UNC13C: variants seen among roughly 807,000 people sequenced by gnomAD.
UNC13C encodes the protein protein unc-13 homolog C.
A neutral mutation model predicts 245.4 loss-of-function variants in UNC13C; 174 were observed. That is an observed-to-expected ratio of 0.71 (90% confidence interval 0.63 to 0.80). The LOEUF (loss-of-function observed/expected upper bound fraction) is 0.80, where lower values mean the gene tolerates loss of function less well. Among genes scored for constraint, UNC13C ranks in the 30% least tolerant of loss-of-function variants. UNC13C has a pLI of 0.00. For missense variants in UNC13C, 2,829 were observed against 2,602.9 expected (o/e 1.09, Z -1.89); for synonymous variants, 992 against 895.1 (o/e 1.11, Z -1.93).
At chr15:54,373,094 C>T (rs758092033) in intron 17 of UNC13C, among the ~76,000 whole-genome samples, 1 of 152,090 alleles carries the variant, frequency 6.6e-6, no homozygotes, top group Non-Finnish European at 1.5e-5. Flanking sequence ...AGCAACTGAA[C>T]TTTAGTATGA....
At chr15:54,555,564 C>A (rs991591300) in intron 29 of UNC13C, 52 bp downstream of exon 29, 1 of 1,410,110 alleles carries the variant, frequency 7.1e-7, no homozygotes, top group Admixed American at 1.9e-5. Flanking sequence ...CCATTTACCT[C>A]CAGAGATAGG....
intron 30 of UNC13C, among the ~76,000 whole-genome samples, chr15:54,594,254 G>A (rs1898948485): frequency 6.6e-6 from 1 of 152,124 alleles, no homozygotes; most frequent in Non-Finnish European, 1.5e-5. Context: ...GACTCCATGG[G>A]GGCTCTTAGC....
intron 2 of UNC13C, among the ~76,000 whole-genome samples, chr15:54,100,947 T>C (rs1900131001): frequency 6.6e-6 from 1 of 152,046 alleles, no homozygotes; most frequent in Non-Finnish European, 1.5e-5. Context: ...ATAATACACA[T>C]ATAGTAAAGT....
In UNC13C at chr15:54,622,383, AC is replaced by A; in HGVS notation, c.6167del (p.Pro2056GlnfsTer10). On this transcript the variant is annotated frameshift_variant, in exon 31 of 33. Transcript: ENST00000260323. LOFTEE classifies it high-confidence loss of function. Reference protein sequence around the residue: ...QISVHVDITATPGTGDHKVTV... With the variant: ...QISVHVDITAXPGTGDHKVTV... ...ATCTGTTCATGTGGACATCACTGCCACCCCAGGAACGGGAGATCATAAAGTC... is the reference window on the plus strand; with the variant it reads ...ATCTGTTCATGTGGACATCACTGCCACCCAGGAACGGGAGATCATAAAGTC... The A allele has an allele frequency of 1.2e-6, 2 of 1,613,280 alleles. No homozygotes were observed. The highest frequency in any genetic ancestry group is 8.5e-7 in the Non-Finnish European group (1 of 1,179,440).
chr15:54,304,806 A>T (rs1050863511), intron 13 of UNC13C, among the ~76,000 whole-genome samples: 2 of 152,056 alleles, frequency 1.3e-5, no homozygotes, highest in African/African-American at 2.4e-5. Flanking sequence ...TCTGTTGACA[A>T]TCTGATCAAT....
intron 17 of UNC13C, among the ~76,000 whole-genome samples, chr15:54,351,912 C>A (rs940526871): frequency 6.6e-6 from 1 of 151,992 alleles, no homozygotes; most frequent in African/African-American, 2.4e-5. Context: ...TCTTTTGTCT[C>A]TACTTCAGAG....
chr15:54,316,918 G>C (rs977824139), intron 13 of UNC13C, among the ~76,000 whole-genome samples: 2 of 151,908 alleles, frequency 1.3e-5, no homozygotes, highest in African/African-American at 4.8e-5. Flanking sequence ...TTCGAGGTAT[G>C]TGCTTCTCTT....
chr15:54,596,895 T>C (rs1899113831), intron 30 of UNC13C, among the ~76,000 whole-genome samples: 1 of 152,192 alleles, frequency 6.6e-6, no homozygotes, highest in Non-Finnish European at 1.5e-5. Context: ...GGTGCCATGC[T>C]TGTATAGCCT....
intron 29 of UNC13C, among the ~76,000 whole-genome samples, chr15:54,561,176 G>A (rs1182490630): frequency 1.3e-5 from 2 of 151,914 alleles, no homozygotes; most frequent in Non-Finnish European, 2.9e-5. Flanking sequence ...GCACAGCCCT[G>A]GTTAGATTCT....
At chr15:53,980,140 T>G (rs1282648767) in intron 1 of UNC13C, among the ~76,000 whole-genome samples, 1 of 152,172 alleles carries the variant, frequency 6.6e-6, no homozygotes, top group Non-Finnish European at 1.5e-5. Flanking sequence ...AATTGTCATT[T>G]ATGCATACTG....
the UNC13C span, among the ~76,000 whole-genome samples, chr15:53,850,067 G>A: frequency 2.0e-5 from 3 of 151,976 alleles, no homozygotes; most frequent in Non-Finnish European, 2.9e-5. Context: ...TGTGCTGCAG[G>A]TTTGCCTTAG....
At chr15:54,283,250 C>T (rs1476672456) in intron 10 of UNC13C, among the ~76,000 whole-genome samples, 1 of 152,120 alleles carries the variant, frequency 6.6e-6, no homozygotes, top group Non-Finnish European at 1.5e-5. Flanking sequence ...CAATTATATA[C>T]ATACCTTCAA....
Position 54,185,096 on chromosome 15 carries a change from C to T in UNC13C, c.3071+41412C>T, listed in dbSNP as rs564289052. ...GAGAAGTGTCCATTCATATCCTTCG[C>T]TCACTTTTTGACGGGGTTGTTTGTT... On this transcript the variant is annotated intron_variant, in intron 4 of 32. Transcript: ENST00000260323. 2.0e-5 allele frequency among the ~76,000 whole-genome samples: 3 copies of T among 152,234 alleles called. No individual in the cohort carries two copies. In the South Asian group the frequency reaches 6.2e-4, roughly 32 times the overall value.
At chr15:54,594,721 T>C (rs1181209633) in intron 30 of UNC13C, among the ~76,000 whole-genome samples, 2 of 152,184 alleles carry the variant, frequency 1.3e-5, no homozygotes, top group Non-Finnish European at 2.9e-5. Context: ...AGAGGGCAAG[T>C]TGGGCTTGAA....
chr15:53,968,252 C>T, the UNC13C span: 1 of 152,232 alleles, frequency 6.6e-6, no homozygotes, highest in Non-Finnish European at 1.5e-5. Context: ...AAGCTCATTT[C>T]CCTAGGCAAC....
At chr15:53,885,914 G>T in the UNC13C span, among the ~76,000 whole-genome samples, 1 of 152,094 alleles carries the variant, frequency 6.6e-6, no homozygotes, top group Admixed American at 6.6e-5. Context: ...CGTTGGGTAT[G>T]GTTAACAATT....
At chr15:54,048,522 G>A (rs1212311479) in intron 2 of UNC13C, 1 of 555,178 alleles carries the variant, frequency 1.8e-6, no homozygotes, top group East Asian at 4.1e-5. Flanking sequence ...CTTAGTATGT[G>A]GGCCATTTTT....
chr15:54,250,163 T>C, intron 7 of UNC13C, 62 bp from the exon 8 acceptor site: 1 of 1,498,766 alleles, frequency 6.7e-7, no homozygotes, highest in Non-Finnish European at 9.2e-7. Flanking sequence ...GTTTGTTTTA[T>C]TTTGAAACAA....
Position 54,511,834 on chromosome 15 carries a change from G to A in UNC13C, c.5457+4G>A. 1 of 1,588,582 alleles carries A rather than the reference G, an allele frequency of 6.3e-7. No homozygotes were observed. The highest frequency in any genetic ancestry group is 8.6e-7 in the Non-Finnish European group (1 of 1,163,304). On this transcript the variant is annotated splice_donor_region_variant and intron_variant, in intron 24 of 32. Coordinates refer to ENST00000260323, the MANE Select transcript of UNC13C (RefSeq NM_001080534.3). ...TGAATCCATGGGAGGGAAGGAGGTG[G>A]GTATCTTTTTCTCCTACATTTGCTA...
Sources: allele counts gnomAD v4.1 joint callset (sites outside exome capture counted in the v4.1 genomes callset), GRCh38; gene constraint gnomAD v4.1.1; transcripts MANE v1.5; gene names NCBI Gene and HGNC (gene_info 2026-07-23, HGNC 2026-07-21).